Variants in TMTC2 observed in about 807,000 individuals in gnomAD.
TMTC2 encodes the protein protein O-mannosyl-transferase TMTC2.
Under a neutral mutation model 82.4 loss-of-function variants are expected in TMTC2, and 43 were observed. The ratio of observed to expected loss-of-function variants is 0.52; its 90% CI spans 0.41 to 0.67. The LOEUF is 0.67. Ranked by LOEUF, TMTC2 falls within the 30% of genes least tolerant of loss-of-function variation. TMTC2 has a pLI of 0.00. For synonymous variants in TMTC2, 408 were observed against 381.9 expected, an observed-to-expected ratio of 1.07 and a Z score of -0.80; for missense variants, 919 against 1,012.4, an observed-to-expected ratio of 0.91 and a Z score of 1.25.
intron 1 of TMTC2, chr12:82,759,865 T>C (rs900353764): frequency 3.9e-5 from 6 of 152,228 alleles, no homozygotes; most frequent in Non-Finnish European, 7.3e-5. Flanking sequence ...TTAAAGTGAT[T>C]TGGATAAATG....
At chr12:82,866,474 C>T (rs899331658) in intron 2 of TMTC2, among the ~76,000 whole-genome samples, 3 of 152,096 alleles carry the variant, frequency 2.0e-5, no homozygotes, top group Non-Finnish European at 2.9e-5. Context: ...CTCAATACTC[C>T]GTCAGTGAAA....
intron 3 of TMTC2, among the ~76,000 whole-genome samples, chr12:82,918,878 C>T (rs1280808271): frequency 6.6e-6 from 1 of 152,036 alleles, no homozygotes; most frequent in African/African-American, 2.4e-5. Flanking sequence ...CTGCCTCAGC[C>T]TCCTGAGTAG....
intron 8 of TMTC2, among the ~76,000 whole-genome samples, chr12:82,999,136 G>A (rs537054140): frequency 2.7e-4 from 41 of 152,168 alleles, no homozygotes; most frequent in African/African-American, 9.1e-4. Flanking sequence ...AGGAAACCAC[G>A]TTACATTTAG....
intron 11 of TMTC2, among the ~76,000 whole-genome samples, chr12:83,065,308 A>G (rs1281591800): frequency 5.3e-5 from 8 of 152,056 alleles, no homozygotes; most frequent in Non-Finnish European, 1.2e-4. Flanking sequence ...AAATTGTTAA[A>G]TGTATTTTTG....
intron 2 of TMTC2, among the ~76,000 whole-genome samples, chr12:82,894,450 G>A (rs1477865476): frequency 6.6e-6 from 1 of 152,158 alleles, no homozygotes; most frequent in Non-Finnish European, 1.5e-5. Context: ...ATATGCTTAA[G>A]GTATATTGCT....
intron 4 of TMTC2, among the ~76,000 whole-genome samples, chr12:82,948,265 T>G (rs769002391): frequency 6.6e-6 from 1 of 151,944 alleles, no homozygotes; most frequent in Non-Finnish European, 1.5e-5. Flanking sequence ...CTTAGGAGGC[T>G]GATGTGGGAG....
intron 2 of TMTC2, among the ~76,000 whole-genome samples, chr12:82,868,914 G>A (rs1372647068): frequency 2.0e-5 from 3 of 152,000 alleles, no homozygotes. Context: ...AGAAAATTTT[G>A]TCTTTAAAGC....
intron 11 of TMTC2, among the ~76,000 whole-genome samples, chr12:83,116,353 T>C (rs1213466150): frequency 6.6e-6 from 1 of 152,236 alleles, no homozygotes; most frequent in Non-Finnish European, 1.5e-5. Flanking sequence ...GGCATTTGGG[T>C]TGGTTCCATG....
chr12:83,007,804 G>A (rs1368482934), intron 8 of TMTC2, among the ~76,000 whole-genome samples: 1 of 151,878 alleles, frequency 6.6e-6, no homozygotes, highest in East Asian at 1.9e-4. Context: ...ATTTCTTATG[G>A]GAAAGTCTGC....
At chr12:83,045,562 A>G (rs930674568) in intron 9 of TMTC2, among the ~76,000 whole-genome samples, 2 of 152,168 alleles carry the variant, frequency 1.3e-5, no homozygotes, top group Non-Finnish European at 2.9e-5. Flanking sequence ...ACTTTTAGAA[A>G]GTAAACTGAT....
At chr12:83,077,400 C>G (rs537592719) in intron 11 of TMTC2, among the ~76,000 whole-genome samples, 1 of 152,202 alleles carries the variant, frequency 6.6e-6, no homozygotes, top group East Asian at 1.9e-4. Flanking sequence ...TTTGTCCTAT[C>G]GTATTTCTCT....
chr12:82,785,124 G>T (rs563163255), intron 1 of TMTC2, among the ~76,000 whole-genome samples: 1 of 152,092 alleles, frequency 6.6e-6, no homozygotes, highest in Non-Finnish European at 1.5e-5. Context: ...CAATGGGAAA[G>T]AACTCAGTTT....
chr12:83,006,389 G>A (rs1288129298), intron 8 of TMTC2, among the ~76,000 whole-genome samples: 1 of 152,018 alleles, frequency 6.6e-6, no homozygotes, highest in Non-Finnish European at 1.5e-5. Flanking sequence ...CTCTTCTTAG[G>A]ATACTTTTTA....
chr12:83,114,787 G>A (rs1811773726), intron 11 of TMTC2, among the ~76,000 whole-genome samples: 1 of 151,868 alleles, frequency 6.6e-6, no homozygotes, highest in Admixed American at 6.6e-5. Flanking sequence ...CTTTGCTTAT[G>A]TCCATGTACA....
intron 2 of TMTC2, among the ~76,000 whole-genome samples, chr12:82,885,570 A>G (rs1441652304): frequency 1.3e-5 from 2 of 150,210 alleles, no homozygotes; most frequent in Non-Finnish European, 3.0e-5. Flanking sequence ...GGATTTTATT[A>G]TGTTGCCCAA....
chr12:82,964,217 G>A (rs1234984609), intron 4 of TMTC2, among the ~76,000 whole-genome samples: 1 of 151,750 alleles, frequency 6.6e-6, no homozygotes, highest in Non-Finnish European at 1.5e-5. Context: ...CCCTCTGTGC[G>A]AGCTTTTTGA....
At chr12:83,069,127 G>C (rs1034852009) in intron 11 of TMTC2, among the ~76,000 whole-genome samples, 1 of 151,992 alleles carries the variant, frequency 6.6e-6, no homozygotes, top group Non-Finnish European at 1.5e-5. Flanking sequence ...ATTTGGGTTG[G>C]GTCCAAAATT....
chr12:82,862,589 C>G (rs1267878060), intron 2 of TMTC2, among the ~76,000 whole-genome samples: 7 of 152,132 alleles, frequency 4.6e-5, no homozygotes. Context: ...TCTAGGTAAT[C>G]TCTTTTTCTT....
chr12:82,990,643 G>C (rs1469597876), intron 8 of TMTC2, among the ~76,000 whole-genome samples: 1 of 151,886 alleles, frequency 6.6e-6, no homozygotes, highest in Non-Finnish European at 1.5e-5. Context: ...ACATACATAT[G>C]TGTCTGTTTT....
Sources: gnomAD v4.1 joint callset for allele counts (sites outside exome capture counted in the v4.1 genomes callset) on GRCh38, gnomAD v4.1.1 for gene constraint, MANE v1.5 for transcripts, NCBI Gene and HGNC (gene_info 2026-07-23, HGNC 2026-07-21) for gene names.